ACYP2: variants seen among roughly 807,000 people sequenced by gnomAD.
The protein encoded by ACYP2 is acylphosphatase-2.
Under a neutral mutation model 11.2 loss-of-function variants are expected in ACYP2, and 12 were observed. The observed-to-expected ratio is 1.08, with a 90% CI of 0.69 to 1.74. The LOEUF is 1.74. Ranked by LOEUF, ACYP2 falls within the 40% of genes most tolerant of loss-of-function variation. ACYP2 has a pLI of 0.00. For synonymous variants in ACYP2, 43 were observed against 32.2 expected (o/e 1.33, Z -1.13); for missense variants, 134 against 101.9 (o/e 1.31, Z -1.35).
Position 54,265,161 on chromosome 2 carries a change from G to T in ACYP2, c.405-39527G>T, listed in dbSNP as rs1378581693. On this transcript the variant is annotated intron_variant, in intron 6 of 6. Coordinates refer to ENST00000607452, the MANE Select transcript of ACYP2 (RefSeq NM_001320586.2). Reference sequence around the variant, plus strand: ...AGTCCATTTTCTCACTGCTGATAAAGACATAGCTGAGACTGGGAAATTTAC... The same window carrying T: ...AGTCCATTTTCTCACTGCTGATAAATACATAGCTGAGACTGGGAAATTTAC... Among the ~76,000 whole-genome samples, 3 of 152,132 alleles carry T rather than the reference G, an allele frequency of 2.0e-5. No individual in the cohort carries two copies. In the East Asian group the frequency reaches 5.8e-4, roughly 29 times the overall value.
At chr2:54,250,429 G>A (rs757463474) in intron 6 of ACYP2, among the ~76,000 whole-genome samples, 1 of 149,050 alleles carries the variant, frequency 6.7e-6, no homozygotes, top group African/African-American at 2.5e-5. Flanking sequence ...AGCCGAGATT[G>A]TGCCATTGCA....
At chr2:54,042,180 A>G (rs777740471) in intron 2 of ACYP2, among the ~76,000 whole-genome samples, 8 of 151,942 alleles carry the variant, frequency 5.3e-5, no homozygotes, top group Non-Finnish European at 8.8e-5. Context: ...CTAATTTTGT[A>G]TTTTTAGTAG....
chr2:54,063,408 C>G (rs1342922845), intron 4 of ACYP2, among the ~76,000 whole-genome samples: 2 of 152,172 alleles, frequency 1.3e-5, no homozygotes, highest in East Asian at 1.9e-4. Flanking sequence ...TAGATCCACC[C>G]TCCATCTTTC....
chr2:54,250,750 T>G (rs1310428545), intron 6 of ACYP2, among the ~76,000 whole-genome samples: 1 of 152,238 alleles, frequency 6.6e-6, no homozygotes, highest in African/African-American at 2.4e-5. Context: ...CCAAATACAT[T>G]GCTGTATACA....
At chr2:54,283,588 A>G (rs952525358) in intron 6 of ACYP2, among the ~76,000 whole-genome samples, 1 of 152,244 alleles carries the variant, frequency 6.6e-6, no homozygotes, top group African/African-American at 2.4e-5. Flanking sequence ...ATGGTTTTAA[A>G]CCGTGACTTC....
intron 6 of ACYP2, among the ~76,000 whole-genome samples, chr2:54,175,006 T>C (rs7567816): frequency 0.089 from 13,547 of 152,212 alleles, 1,190 homozygotes; most frequent in African/African-American, 0.23. Flanking sequence ...TTGTTGTGTC[T>C]CTGCCAGGCT....
At chr2:54,278,511 C>A (rs1423224676) in intron 6 of ACYP2, among the ~76,000 whole-genome samples, 1 of 152,150 alleles carries the variant, frequency 6.6e-6, no homozygotes, top group Non-Finnish European at 1.5e-5. Flanking sequence ...GCATCATTTC[C>A]TGGCTCAGCG....
chr2:54,050,627 G>C (rs1467289019), intron 2 of ACYP2, among the ~76,000 whole-genome samples: 1 of 151,408 alleles, frequency 6.6e-6, no homozygotes, highest in Non-Finnish European at 1.5e-5. Context: ...TCTTTCTACT[G>C]TGAAGTTATA....
At chr2:54,194,922 C>G (rs576598954) in intron 6 of ACYP2, among the ~76,000 whole-genome samples, 3 of 152,226 alleles carry the variant, frequency 2.0e-5, no homozygotes, top group Non-Finnish European at 4.4e-5. Context: ...ACTCTAGAAG[C>G]TATTTTAGGA....
At chr2:54,038,562 C>A (rs948888103) in intron 2 of ACYP2, among the ~76,000 whole-genome samples, 3 of 150,892 alleles carry the variant, frequency 2.0e-5, no homozygotes, top group Non-Finnish European at 4.4e-5. Flanking sequence ...AGATGAGGAA[C>A]CTGAAGTGCA....
intron 6 of ACYP2, among the ~76,000 whole-genome samples, chr2:54,233,948 G>A (rs1686357476): frequency 1.3e-5 from 2 of 152,168 alleles, no homozygotes; most frequent in Non-Finnish European, 2.9e-5. Context: ...AGAACTGAGG[G>A]TCCTGGGATT....
At chr2:54,138,563 G>A (rs1437928529) in intron 5 of ACYP2, 76 bp from the exon 3 acceptor site, 1 of 1,134,758 alleles carries the variant, frequency 8.8e-7, no homozygotes, top group Non-Finnish European at 1.3e-6. Flanking sequence ...GCATTTTTTG[G>A]ATATTAGAAT....
rs557986517 is a variant in ACYP2 at position 54,303,957 on chromosome 2, T to C, written c.405-731T>C. ...CAATATACAATAGGCCTGAACTATA[T>C]AGGAAATATCTTGGGTAAGTGACCT... On this transcript the variant is annotated intron_variant, in intron 6 of 6. Coordinates refer to ENST00000607452, the MANE Select transcript of ACYP2 (RefSeq NM_001320586.2). Among the ~76,000 whole-genome samples the C allele has an allele frequency of 1.2e-4, 19 of 152,340 alleles. No homozygotes were observed. The South Asian group carries it at 3.5e-3, about 28-fold the overall frequency.
At chr2:54,135,396 A>G in intron 4 of ACYP2, 57 bp from the exon 2 acceptor site, 3 of 1,554,888 alleles carry the variant, frequency 1.9e-6, no homozygotes, top group Non-Finnish European at 2.6e-6. Flanking sequence ...GTCAGGAAAC[A>G]TATAACCTTT....
chr2:54,222,549 C>CA lies in ACYP2; in HGVS notation c.405-82119dup, dbSNP rs10607204. On this transcript the variant is annotated intron_variant, in intron 6 of 6. Coordinates refer to ENST00000607452, the MANE Select transcript of ACYP2 (RefSeq NM_001320586.2). ...TGGGTGACAGAGCGAGACTCTGTCTCAAAAAAAAAAAAAAAAAAAATTACA... is the reference window on the plus strand; with the variant it reads ...TGGGTGACAGAGCGAGACTCTGTCTCAAAAAAAAAAAAAAAAAAAAATTACA... 9.7e-3 allele frequency among the ~76,000 whole-genome samples: 1,028 copies of CA among 106,446 alleles called. 10 individuals carry two copies. The highest frequency in any genetic ancestry group is 0.029 in the African/African-American group (836 of 29,066). The allele number at this position is 106,446 out of a possible 152,430, so 69.8% of individuals were successfully genotyped here.
At chr2:54,143,714 G>T (rs1378632161) in intron 6 of ACYP2, among the ~76,000 whole-genome samples, 2 of 124,814 alleles carry the variant, frequency 1.6e-5, no homozygotes, top group Non-Finnish European at 3.2e-5. Flanking sequence ...TTACAGGCAT[G>T]AGCCACCATA....
intron 2 of ACYP2, among the ~76,000 whole-genome samples, chr2:54,021,191 C>T (rs1451884073): frequency 7.2e-5 from 11 of 151,988 alleles, no homozygotes; most frequent in South Asian, 2.1e-4. Flanking sequence ...TAGTTTGGCA[C>T]GAAGGGTGGT....
At chr2:54,286,212 C>G (rs566699225) in intron 6 of ACYP2, among the ~76,000 whole-genome samples, 1 of 152,068 alleles carries the variant, frequency 6.6e-6, no homozygotes, top group East Asian at 1.9e-4. Context: ...TATAGCTGGG[C>G]TAAACTATTT....
rs775497760 is a variant in ACYP2, at chr2:54,255,432, C to G, written c.405-49256C>G. On this transcript the variant is annotated intron_variant, in intron 6 of 6. Transcript: ENST00000607452. ...GGATATTGCGAATGATGTCATTCCT[C>G]TGCTCCAGGTAGTATTCATGAATCT... 14 of 1,613,942 alleles carry G rather than the reference C, an allele frequency of 8.7e-6. No homozygotes were observed. In the Middle Eastern group the frequency reaches 4.9e-4, roughly 57 times the overall value.
Sources: allele counts gnomAD v4.1 joint callset (sites outside exome capture counted in the v4.1 genomes callset), GRCh38; gene constraint gnomAD v4.1.1; transcripts MANE v1.5; gene names NCBI Gene and HGNC (gene_info 2026-07-23, HGNC 2026-07-21).